The following OLA1 variants were observed in gnomAD, a reference collection of about 807,000 sequenced individuals.
OLA1 encodes the protein obg-like ATPase 1.
OLA1 carries 14 observed loss-of-function variants against 48.4 expected under a neutral mutation model. The ratio of observed to expected loss-of-function variants is 0.29; its 90% confidence interval spans 0.19 to 0.45. The LOEUF (loss-of-function observed/expected upper bound fraction) is 0.45, where lower values mean the gene tolerates loss of function less well. Among genes scored for constraint, OLA1 ranks in the 20% least tolerant of loss-of-function variants. The pLI, the probability that OLA1 is intolerant of heterozygous loss-of-function variation, is 1.00. For synonymous variants in OLA1, 127 were observed against 150.4 expected, an observed-to-expected ratio of 0.84 and a Z score of 1.14; for missense variants, 325 against 467.1, an observed-to-expected ratio of 0.70 and a Z score of 2.80.
intron 5 of OLA1, among the ~76,000 whole-genome samples, chr2:174,135,782 T>C (rs1279959929): frequency 6.6e-6 from 1 of 152,114 alleles, no homozygotes; most frequent in East Asian, 1.9e-4. Flanking sequence ...AATGTGAAGA[T>C]AAAAGGAGGA....
chr2:174,226,460 CA>C (rs1688619097), intron 3 of OLA1, among the ~76,000 whole-genome samples: 1 of 151,614 alleles, frequency 6.6e-6, no homozygotes, highest in African/African-American at 2.4e-5. Context: ...CACAGACTAC[CA>C]AAAACATTTA....
chr2:174,140,627 C>T (rs890001109), intron 5 of OLA1, among the ~76,000 whole-genome samples: 4 of 152,148 alleles, frequency 2.6e-5, no homozygotes, highest in Admixed American at 6.5e-5. Context: ...CTTGGCCTCC[C>T]AAAGTGCTGG....
At chr2:174,080,943 A>G (rs1186143425) in intron 9 of OLA1, 2 of 513,862 alleles carry the variant, frequency 3.9e-6, no homozygotes, top group Non-Finnish European at 7.0e-6. Context: ...AGACTATGTA[A>G]TAGGCAGAAT....
intron 7 of OLA1, among the ~76,000 whole-genome samples, chr2:174,116,758 G>C (rs950871850): frequency 6.6e-6 from 1 of 152,102 alleles, no homozygotes; most frequent in Non-Finnish European, 1.5e-5. Context: ...TCTAGCCCTG[G>C]AAGGGAACCT....
At chr2:174,076,560 C>T (rs1231332383) in intron 10 of OLA1, among the ~76,000 whole-genome samples, 1 of 152,010 alleles carries the variant, frequency 6.6e-6, no homozygotes, top group African/African-American at 2.4e-5. Context: ...GTAACAAAAA[C>T]ACTAATAAAG....
intron 7 of OLA1, among the ~76,000 whole-genome samples, chr2:174,098,351 C>T (rs576876247): frequency 7.9e-5 from 12 of 152,168 alleles, no homozygotes; most frequent in Non-Finnish European, 2.9e-5. Flanking sequence ...TTGGTGTTTA[C>T]GGTCTTATAC....
intron 4 of OLA1, among the ~76,000 whole-genome samples, chr2:174,215,080 C>G (rs1315484562): frequency 6.6e-6 from 1 of 150,884 alleles, no homozygotes; most frequent in Admixed American, 6.6e-5. Flanking sequence ...AAAAAGCAAA[C>G]TTCGGAAGAA....
intron 7 of OLA1, among the ~76,000 whole-genome samples, chr2:174,092,624 T>C (rs1477960088): frequency 6.6e-6 from 1 of 152,170 alleles, no homozygotes; most frequent in Non-Finnish European, 1.5e-5. Context: ...ATCGCACCAC[T>C]GCACTCCAGC....
chr2:174,165,847 C>T (rs1444464891), intron 4 of OLA1, among the ~76,000 whole-genome samples: 1 of 152,130 alleles, frequency 6.6e-6, no homozygotes, highest in Admixed American at 6.5e-5. Flanking sequence ...TCAGGCTGGG[C>T]GCAGTGGCTC....
At chr2:174,106,362 C>T (rs376584127) in intron 7 of OLA1, among the ~76,000 whole-genome samples, 1 of 151,958 alleles carries the variant, frequency 6.6e-6, no homozygotes, top group African/African-American at 2.4e-5. Flanking sequence ...AATAGTCAAA[C>T]CAACAATTAT....
rs1167654051 is a variant in OLA1 at position 174,072,564 on chromosome 2, CTCTTGTAAAATAAAAAGA to C, written c.*2844_*2861del. ...TAGGAACAACCGACATTTCTCAAGT[CTCTTGTAAAATAAAAAGA>C]GCATCAAGTGAATTTAAGTAGACTA... On this transcript the variant is annotated 3_prime_UTR_variant, in exon 11 of 11. Transcript: ENST00000284719. The C allele has an allele frequency of 6.6e-6, 1 of 152,148 alleles. No homozygotes were observed. Among genetic ancestry groups the C allele is most frequent in the East Asian group, 1.9e-4 (1 of 5,192 alleles). The allele number at this position is 152,148 out of a possible 1,614,324, so 9.4% of individuals were successfully genotyped here. A position where few individuals can be genotyped will look rare whatever the true frequency, so the allele number is the denominator to read the frequency against.
chr2:174,241,170 C>G (rs1314739511), intron 2 of OLA1, among the ~76,000 whole-genome samples: 1 of 152,174 alleles, frequency 6.6e-6, no homozygotes, highest in African/African-American at 2.4e-5. Context: ...GTCAATCCAG[C>G]TAAGGCCCCA....
At chr2:174,247,814 A>G in intron 1 of OLA1, 1 of 1,546,972 alleles carries the variant, frequency 6.5e-7, no homozygotes, top group Non-Finnish European at 8.7e-7. Context: ...TTTATTTACA[A>G]GTCGAAACTT....
intron 4 of OLA1, among the ~76,000 whole-genome samples, chr2:174,190,096 A>T (rs894015867): frequency 2.2e-4 from 32 of 147,594 alleles, no homozygotes; most frequent in African/African-American, 7.3e-4. Flanking sequence ...TTTAAGAAAG[A>T]GGAAAAAAAT....
chr2:174,178,866 C>A (rs572175174), intron 4 of OLA1, among the ~76,000 whole-genome samples: 12 of 151,750 alleles, frequency 7.9e-5, no homozygotes, highest in Non-Finnish European at 1.6e-4. Context: ...TCAGTAAGAG[C>A]AAAATTAAAA....
intron 3 of OLA1, among the ~76,000 whole-genome samples, chr2:174,228,631 TA>T (rs1460476191): frequency 6.6e-6 from 1 of 152,146 alleles, no homozygotes; most frequent in Non-Finnish European, 1.5e-5. Context: ...ATGCTTATTG[TA>T]AAAAAATTCA....
At chr2:174,096,856 CTT>C (rs1054840462) in intron 7 of OLA1, among the ~76,000 whole-genome samples, 10 of 152,086 alleles carry the variant, frequency 6.6e-5, no homozygotes, top group African/African-American at 2.4e-4. Context: ...AATGGGAGCT[CTT>C]TTGAAAAATC....
chr2:174,231,814 A>C (rs543608830), intron 2 of OLA1, among the ~76,000 whole-genome samples: 1 of 152,322 alleles, frequency 6.6e-6, no homozygotes, highest in South Asian at 2.1e-4. Context: ...ATTTCTAAGG[A>C]TCATTACTAT....
chr2:174,100,110 A>T lies in OLA1; in HGVS notation c.729-18046T>A, dbSNP rs576846891. Among the ~76,000 whole-genome samples the T allele has an allele frequency of 1.1e-3, 170 of 152,332 alleles. 1 individual carries two copies. The highest frequency in any genetic ancestry group is 3.6e-3 in the African/African-American group (151 of 41,576). Reference sequence around the variant, plus strand: ...AAAGTAAATAACCAAAGCAAGAAACACTGGGGGACCTGGATCAATAATATG... The same window carrying T: ...AAAGTAAATAACCAAAGCAAGAAACTCTGGGGGACCTGGATCAATAATATG... On this transcript the variant is annotated intron_variant, in intron 7 of 10. Transcript: ENST00000284719.
Sources: gnomAD v4.1 joint callset for allele counts (sites outside exome capture counted in the v4.1 genomes callset) on GRCh38, gnomAD v4.1.1 for gene constraint, MANE v1.5 for transcripts, NCBI Gene and HGNC (gene_info 2026-07-23, HGNC 2026-07-21) for gene names.